The following TTN variants were observed in gnomAD, a reference collection of about 807,000 sequenced individuals.
The protein encoded by TTN is titin, also known as connectin.
A neutral mutation model predicts 3,223.0 loss-of-function variants in TTN; 1,525 were observed. The observed-to-expected ratio is 0.47, with a 90% CI of 0.45 to 0.49. TTN has a LOEUF of 0.49. TTN is among the 20% of genes least tolerant of loss of function. TTN has a pLI of 0.00. For missense variants in TTN, 40,786 were observed against 43,424.0 expected (o/e 0.94, Z 5.40); for synonymous variants, 14,094 against 15,161.0 (o/e 0.93, Z 5.17).
rs2048279657 is a variant in TTN, at chr2:178,583,634, C to T, written c.65548G>A (p.Asp21850Asn). Residue 21850 changes from aspartate to asparagine, a missense_variant, in exon 312 of 363, where the codon GAT becomes AAT. Transcript: ENST00000589042. Reference sequence around the variant, plus strand: ...TTTTCTGCGAGGATAGTCACTGGATCAGAAGGTTCAGAAGGTGGGCTAATG... The same window carrying T: ...TTTTCTGCGAGGATAGTCACTGGATTAGAAGGTTCAGAAGGTGGGCTAATG... Reference protein sequence around the residue: ...VNISPPSEPSDPVTILAENVP... With the variant: ...VNISPPSEPSNPVTILAENVP... 6.2e-7 allele frequency: 1 copy of T among 1,608,642 alleles called. No individual in the cohort carries two copies. Among genetic ancestry groups the T allele is most frequent in the South Asian group, 1.1e-5 (1 of 90,346 alleles).
In TTN at chr2:178,558,651, G is replaced by C; in HGVS notation, c.86822-14C>G. On this transcript the variant is annotated splice_polypyrimidine_tract_variant and intron_variant, in intron 326 of 362. Transcript: ENST00000589042. The stretch of plus-strand genomic sequence containing the variant: ...GGCTTGGTTTTTCTAAGAAAACAAA[G>C]CATCAAAAGAAAGTGAATAATTATT... The C allele has an allele frequency of 6.2e-7, 1 of 1,605,930 alleles. No homozygotes were observed. The highest frequency in any genetic ancestry group is 8.5e-7 in the Non-Finnish European group (1 of 1,178,350).
intron 45 of TTN, 71 bp downstream of exon 45, chr2:178,757,471 A>C: frequency 2.7e-6 from 4 of 1,467,090 alleles, no homozygotes; most frequent in East Asian, 2.3e-5. Flanking sequence ...AACAGCAGAG[A>C]CTCTCATTAG....
chr2:178,713,449 G>T (rs2076977072), intron 92 of TTN, 77 bp from the exon 93 acceptor site: 1 of 1,437,366 alleles, frequency 7.0e-7, no homozygotes, highest in Admixed American at 2.9e-5. Context: ...GACTTGAAGA[G>T]AGAACTGTCT....
At chr2:178,677,394 T>C (rs1191549428) in intron 146 of TTN, 107 bp from the exon 147 acceptor site, 2 of 556,002 alleles carry the variant, frequency 3.6e-6, no homozygotes, top group Non-Finnish European at 5.2e-6. Context: ...ACCACAAACA[T>C]GTAAACATAA....
chr2:178,680,999 AAAATG>A (rs1282038147), intron 138 of TTN, 75 bp downstream of exon 138: 1 of 1,234,306 alleles, frequency 8.1e-7, no homozygotes, highest in Non-Finnish European at 1.1e-6. Flanking sequence ...ATGAAACAAC[AAAATG>A]AAATGAATCA....
At chr2:178,611,708 A>G in intron 268 of TTN, 31 bp from the exon 269 acceptor site, 1 of 1,612,086 alleles carries the variant, frequency 6.2e-7, no homozygotes, top group Non-Finnish European at 8.5e-7. Context: ...TCATATCCAC[A>G]GTCTCATCAA....
rs1559050637 is a variant in TTN, at chr2:178,535,663, G to A, written c.100952C>T (p.Thr33651Ile). The A allele has an allele frequency of 2.5e-6, 4 of 1,613,834 alleles. No individual in the cohort carries two copies. The highest frequency in any genetic ancestry group is 3.4e-6 in the Non-Finnish European group (4 of 1,179,802). ...HYQVIVTRSF[T>I]SLVFPNGVER... ...TACCCCATTGGGGAAAACAAGTGAT[G>A]TGAAGGATCTTGTGACAATAACTTG... The change falls in exon 358 of 363, where the codon ACA becomes ATA. Residue 33651 changes from threonine to isoleucine, a missense_variant. Physicochemically the swap from Thr to Ile is moderately conservative, Grantham distance 89 (BLOSUM62 -1). Transcript: ENST00000589042.
rs879199918 is a variant in TTN at position 178,592,906 on chromosome 2, G to A, written c.59213C>T (p.Pro19738Leu). The A allele has an allele frequency of 1.9e-6, 3 of 1,613,440 alleles. No individual in the cohort carries two copies. Among genetic ancestry groups the A allele is most frequent in the Non-Finnish European group, 2.5e-6 (3 of 1,179,586 alleles). The change falls in exon 300 of 363, where the codon CCT (proline) becomes CTT (leucine). Residue 19738 changes from proline (P) to leucine (L), a missense_variant. Coordinates refer to ENST00000589042, the MANE Select transcript of TTN (RefSeq NM_001267550.2). ...RRANHTPESCPETKYKVTGLR... is the reference protein window; with the variant it reads ...RRANHTPESCLETKYKVTGLR... ...ACCGGTGACTTTATATTTAGTTTCA[G>A]GACATGACTCAGGGGTGTGATTGGC...
intron 45 of TTN, 122 bp downstream of exon 45, chr2:178,757,420 T>A: frequency 8.1e-7 from 1 of 1,241,566 alleles, no homozygotes; most frequent in Non-Finnish European, 1.1e-6. Flanking sequence ...CATGTTATTT[T>A]ATTAGTAAGT....
In TTN at chr2:178,635,332, A is replaced by T. The variant is rs757037694; in HGVS notation, c.41885-28T>A. ...GTATTGGTCAGGGATGAAGTAACAT[A>T]ATGCTTTAGACAACCCAACGATGCT... On this transcript the variant is annotated intron_variant, in intron 227 of 362. Transcript: ENST00000589042. 58 of 1,611,640 alleles carry T rather than the reference A, an allele frequency of 3.6e-5. No homozygotes were observed. In the South Asian group the frequency reaches 6.4e-4, roughly 18 times the overall value.
chr2:178,754,761 C>A (rs545244663), intron 46 of TTN, among the ~76,000 whole-genome samples: 1 of 152,174 alleles, frequency 6.6e-6, no homozygotes, highest in Non-Finnish European at 1.5e-5. Flanking sequence ...ATTTACATAA[C>A]TAGACCTCAG....
rs921524484 is a variant in TTN at position 178,644,487 on chromosome 2, A to G, written c.40477+61T>C. The G allele has an allele frequency of 8.8e-6, 11 of 1,249,016 alleles. No individual in the cohort carries two copies. In the Admixed American group the frequency reaches 2.2e-4, roughly 25 times the overall value. The allele number at this position is 1,249,016 out of a possible 1,614,324, so 77.4% of individuals were successfully genotyped here. A position where few individuals can be genotyped will look rare whatever the true frequency, so the allele number is the denominator to read the frequency against. On this transcript the variant is annotated intron_variant, in intron 218 of 362. Transcript: ENST00000589042. ...GACAGAACATTCGATGGAGGCAGAA[A>G]GAGCAAGGAGTCAGGTAAAGGGGTA...
At chr2:178,795,367 C>G in intron 6 of TTN, 115 bp from the exon 7 acceptor site, 4 of 909,602 alleles carry the variant, frequency 4.4e-6, no homozygotes, top group Non-Finnish European at 7.1e-6. Context: ...ATGTGTGCCT[C>G]CATAACCCAT....
At position 178,651,459 on chromosome 2, in the gene TTN, C is replaced by A. The variant is rs2062943161; in HGVS notation, c.39541G>T (p.Ala13181Ser). 1 of 1,609,896 alleles carries A rather than the reference C, an allele frequency of 6.2e-7. No homozygotes were observed. The highest frequency in any genetic ancestry group is 1.3e-5 in the African/African-American group (1 of 74,490). Residue 13181 changes from alanine to serine, a missense_variant, in exon 207 of 363, where the codon GCT becomes TCT. Physicochemically the swap from Ala to Ser is moderately conservative, Grantham distance 99. Transcript: ENST00000589042. ...VVPKKPEAPP[A>S]KVPEVPKEVV... ...AGTGGACAGCCACATATACCTTTAGCAGGTGGGGCTTCTGGCTTTTTGGGA... is the reference window on the plus strand; with the variant it reads ...AGTGGACAGCCACATATACCTTTAGAAGGTGGGGCTTCTGGCTTTTTGGGA...
In TTN at chr2:178,620,064, A is replaced by G. The variant is rs373160538; in HGVS notation, c.46353T>C (p.Asp15451=). The change falls in exon 249 of 363, where the codon GAT becomes GAC. Residue 15451 remains aspartate, a synonymous_variant. Coordinates refer to ENST00000589042, the MANE Select transcript of TTN (RefSeq NM_001267550.2). ...DGSIHRLIIK[D]CRLDDECEYA... is the part of the protein sequence containing the mutation. ...ATTCACACTCATCATCCAGCCTGCA[A>G]TCTTTTATAATGAGTCTGTGTATAC... The G allele has an allele frequency of 3.7e-6, 6 of 1,611,928 alleles. No individual in the cohort carries two copies. The highest frequency in any genetic ancestry group is 5.1e-6 in the Non-Finnish European group (6 of 1,178,784).
At position 178,572,715 on chromosome 2, in the gene TTN, C is replaced by A; in HGVS notation, c.73417G>T (p.Ala24473Ser). Residue 24473 changes from alanine to serine, a missense_variant, in exon 326 of 363, where the codon GCT becomes TCT. Transcript: ENST00000589042. ...ARDHGESLDKASIESTSSYTL... is the reference protein window; with the variant it reads ...ARDHGESLDKSSIESTSSYTL... ...TAAGAGCTTGTGGATTCGATGCTAG[C>A]TTTATCTAAAGATTCTCCATGGTCC... 6.2e-7 allele frequency: 1 copy of A among 1,613,482 alleles called. No homozygotes were observed. Among genetic ancestry groups the A allele is most frequent in the Non-Finnish European group, 8.5e-7 (1 of 1,179,594 alleles).
rs2049657792 is a variant in TTN, at chr2:178,588,990, G to A, written c.62735C>T (p.Ser20912Phe). 2.5e-6 allele frequency: 4 copies of A among 1,611,904 alleles called. No homozygotes were observed. Among genetic ancestry groups the A allele is most frequent in the Non-Finnish European group, 3.4e-6 (4 of 1,179,290 alleles). ...EKCETKRMVW[S>F]TYSATVLTPG... is the part of the protein sequence containing the mutation. ...TGTCAAGACAGTAGCAGAATAGGTA[G>A]ACCAAACCATTCGCTTTGTCTCACA... Residue 20912 changes from serine to phenylalanine, a missense_variant, in exon 304 of 363, where the codon TCT (serine) becomes TTT (phenylalanine). Transcript: ENST00000589042.
chr2:178,622,771 T>C lies in TTN; in HGVS notation c.44816-4A>G, dbSNP rs771255067. ...CTTAAGAATTCCACATGAGGAGCTGTAAGAGAATGTCATCAGAATTCAAAA... is the reference window on the plus strand; with the variant it reads ...CTTAAGAATTCCACATGAGGAGCTGCAAGAGAATGTCATCAGAATTCAAAA... On this transcript the variant is annotated splice_region_variant and splice_polypyrimidine_tract_variant and intron_variant, in intron 242 of 362. Transcript: ENST00000589042. 1.4e-5 allele frequency: 22 copies of C among 1,588,748 alleles called. No homozygotes were observed. The highest frequency in any genetic ancestry group is 9.1e-5 in the South Asian group (8 of 87,548).
chr2:178,714,662 T>G, intron 90 of TTN, 89 bp from the exon 91 acceptor site: 1 of 1,370,788 alleles, frequency 7.3e-7, no homozygotes, highest in Non-Finnish European at 9.7e-7. Flanking sequence ...ATCAAACTAG[T>G]GATAATGTGT....
Sources: allele counts gnomAD v4.1 joint callset (sites outside exome capture counted in the v4.1 genomes callset), GRCh38; gene constraint gnomAD v4.1.1; transcripts MANE v1.5; gene names NCBI Gene and HGNC (gene_info 2026-07-23, HGNC 2026-07-21).